The following PRKDC variants were observed in gnomAD, a reference collection of about 807,000 sequenced individuals.
PRKDC encodes DNA-dependent protein kinase catalytic subunit.
A neutral mutation model predicts 486.9 loss-of-function variants in PRKDC; 82 were observed. The observed-to-expected ratio is 0.17, with a 90% confidence interval of 0.14 to 0.20. The LOEUF (loss-of-function observed/expected upper bound fraction) is 0.20. Ranked by LOEUF, PRKDC falls within the 10% of genes least tolerant of loss-of-function variation. PRKDC has a pLI of 1.00. For synonymous variants in PRKDC, 1,895 were observed against 1,837.0 expected (o/e 1.03, Z -0.81); for missense variants, 4,504 against 5,038.2 (o/e 0.89, Z 3.21).
chr8:47,927,222 A>G lies in PRKDC; in HGVS notation c.2391T>C (p.Asp797=). The change falls in exon 21 of 86, where the codon GAT becomes GAC. Residue 797 remains aspartate, a synonymous_variant. Transcript: ENST00000314191. ...ACAAGGCTGAAGTCTTCAGGTATCC[A>G]TCCAGGCAGGGGAGAATGTCTTTGT... ...PYYKDILPCL[D]GYLKTSALSD... 1.2e-6 allele frequency: 2 copies of G among 1,613,844 alleles called. No homozygotes were observed. Among genetic ancestry groups the G allele is most frequent in the Non-Finnish European group, 8.5e-7 (1 of 1,179,800 alleles).
At chr8:47,794,112 T>A (rs560548631) in intron 74 of PRKDC, among the ~76,000 whole-genome samples, 178 bp downstream of exon 74, 6 of 152,308 alleles carry the variant, frequency 3.9e-5, no homozygotes, top group African/African-American at 1.4e-4. Context: ...AGGAGATACA[T>A]CCTATAACAA....
intron 21 of PRKDC, among the ~76,000 whole-genome samples, chr8:47,922,001 G>A (rs532158671): frequency 3.9e-5 from 6 of 152,172 alleles, no homozygotes; most frequent in East Asian, 1.9e-4. Flanking sequence ...GGTTGGTCTC[G>A]AACTCATGAC....
At chr8:47,854,483 C>T (rs527477098) in intron 50 of PRKDC, among the ~76,000 whole-genome samples, 8 of 152,236 alleles carry the variant, frequency 5.3e-5, no homozygotes, top group South Asian at 4.1e-4. Context: ...GGACTACAGA[C>T]GCCCGCCACC....
chr8:47,901,401 G>A (rs1252660198), intron 27 of PRKDC, among the ~76,000 whole-genome samples: 2 of 151,230 alleles, frequency 1.3e-5, no homozygotes, highest in Non-Finnish European at 2.9e-5. Flanking sequence ...TTGAACCTGG[G>A]AAGCAGAGGT....
intron 40 of PRKDC, among the ~76,000 whole-genome samples, chr8:47,874,076 TG>T (rs2089030223): frequency 6.6e-6 from 1 of 150,674 alleles, no homozygotes; most frequent in Non-Finnish European, 1.5e-5. Context: ...CCCGGGTAGC[TG>T]GGACTACAGG....
At chr8:47,895,959 A>G (rs2089571073) in intron 30 of PRKDC, among the ~76,000 whole-genome samples, 2 of 152,068 alleles carry the variant, frequency 1.3e-5, no homozygotes, top group South Asian at 4.1e-4. Flanking sequence ...GAATTGCTTG[A>G]ACCCAGGGCG....
At chr8:47,863,614 T>C (rs753554598) in intron 41 of PRKDC, 37 bp from the exon 42 acceptor site, 3 of 1,516,414 alleles carry the variant, frequency 2.0e-6, no homozygotes, top group South Asian at 1.2e-5. Context: ...TTTGGTCTTA[T>C]TAAACATGAA....
chr8:47,959,983 G>A lies in PRKDC; in HGVS notation c.144C>T (p.Pro48=). ...LGQECVLSSS[P]AVLALQTSLV... is the part of the protein sequence containing the mutation. ...CGGGCCGGTACCCACCCAGCACCGC[G>A]GGGCTGCTGCTCAGGACGCATTCCT... The change falls in exon 1 of 86, where the codon CCC becomes CCT. Residue 48 remains proline (P), a synonymous_variant. Coordinates refer to ENST00000314191, the MANE Select transcript of PRKDC (RefSeq NM_006904.7). 3 of 1,529,742 alleles carry A rather than the reference G, an allele frequency of 2.0e-6. No individual in the cohort carries two copies. The highest frequency in any genetic ancestry group is 2.7e-5 in the African/African-American group (2 of 72,816). 94.8% of individuals were successfully genotyped at this position (1,529,742 alleles called of 1,614,324 possible). A position where few individuals can be genotyped will look rare whatever the true frequency, so the allele number is the denominator to read the frequency against.
intron 49 of PRKDC, among the ~76,000 whole-genome samples, chr8:47,855,682 A>C (rs1488946488): frequency 6.6e-6 from 1 of 152,224 alleles, no homozygotes; most frequent in East Asian, 1.9e-4. Context: ...GGCCCTGGAC[A>C]GGGGTCGCCT....
In PRKDC at chr8:47,863,583, A is replaced by G. The variant is rs370636049; in HGVS notation, c.5572-6T>C. 22 of 1,593,880 alleles carry G rather than the reference A, an allele frequency of 1.4e-5. No homozygotes were observed. In the Middle Eastern group the frequency reaches 6.6e-4, roughly 48 times the overall value. Reference sequence around the variant, plus strand: ...TCAAAGGTAGATTCATTTAGCTTCAAAAAGGTAAAAAATAATTATCTTTGG... The same window carrying G: ...TCAAAGGTAGATTCATTTAGCTTCAGAAAGGTAAAAAATAATTATCTTTGG... On this transcript the variant is annotated splice_region_variant and splice_polypyrimidine_tract_variant and intron_variant, in intron 41 of 85. Transcript: ENST00000314191.
chr8:47,908,653 C>T (rs1029914586), intron 25 of PRKDC, among the ~76,000 whole-genome samples: 1 of 152,122 alleles, frequency 6.6e-6, no homozygotes, highest in Non-Finnish European at 1.5e-5. Context: ...ATTATAAAGA[C>T]ATTCTCCAGA....
At chr8:47,924,874 T>C (rs750740096) in intron 21 of PRKDC, among the ~76,000 whole-genome samples, 2 of 152,222 alleles carry the variant, frequency 1.3e-5, no homozygotes, top group Admixed American at 6.5e-5. Flanking sequence ...CTTTCTGTAT[T>C]TGTAGCTCAC....
At chr8:47,791,722 T>C (rs1480947694) in intron 74 of PRKDC, among the ~76,000 whole-genome samples, 5 of 152,016 alleles carry the variant, frequency 3.3e-5, no homozygotes, top group African/African-American at 1.2e-4. Context: ...GGTAAGGATG[T>C]AGAGAGAGGA....
intron 21 of PRKDC, among the ~76,000 whole-genome samples, chr8:47,922,636 T>C (rs2090090452): frequency 6.6e-6 from 1 of 152,064 alleles, no homozygotes; most frequent in African/African-American, 2.4e-5. Context: ...GTAAGGAGGG[T>C]AGTTCCTCAT....
At chr8:47,817,953 T>C (rs1332465060) in intron 67 of PRKDC, among the ~76,000 whole-genome samples, 1 of 152,234 alleles carries the variant, frequency 6.6e-6, no homozygotes, top group East Asian at 1.9e-4. Flanking sequence ...ATGGCATCAA[T>C]GTGAATATTC....
At chr8:47,959,746 G>A (rs2090780013) in intron 1 of PRKDC, among the ~76,000 whole-genome samples, 1 of 152,104 alleles carries the variant, frequency 6.6e-6, no homozygotes, top group Non-Finnish European at 1.5e-5. Context: ...CCATATTAGG[G>A]GTCGTTTTCA....
rs769870733 is a variant in PRKDC, at chr8:47,893,197, C to T, written c.3789G>A (p.Ala1263=). Residue 1263 remains alanine (A), a synonymous_variant, in exon 31 of 86, where the codon GCG becomes GCA. Coordinates refer to ENST00000314191, the MANE Select transcript of PRKDC (RefSeq NM_006904.7). The part of the protein sequence containing the change: ...TLCWLDLLLA[A]LECYNTFIGE... Reference sequence around the variant, plus strand: ...CAATGAACGTGTTGTAGCACTCCAACGCGGCCAGGAGCAGGTCCAGCCAGC... The same window carrying T: ...CAATGAACGTGTTGTAGCACTCCAATGCGGCCAGGAGCAGGTCCAGCCAGC... 3.1e-6 allele frequency: 5 copies of T among 1,613,094 alleles called. No individual in the cohort carries two copies. Among genetic ancestry groups the T allele is most frequent in the Admixed American group, 3.3e-5 (2 of 59,880 alleles).
chr8:47,894,271 G>A (rs1222206213), intron 30 of PRKDC, among the ~76,000 whole-genome samples: 3 of 151,224 alleles, frequency 2.0e-5, no homozygotes, highest in Admixed American at 6.6e-5. Flanking sequence ...AGTGAGACTC[G>A]GTATAAAAAA....
chr8:47,850,045 CA>C (rs1205394269), intron 52 of PRKDC, among the ~76,000 whole-genome samples: 1 of 152,114 alleles, frequency 6.6e-6, no homozygotes, highest in Non-Finnish European at 1.5e-5. Flanking sequence ...ATCTGTGTAC[CA>C]TCTGTCTCCC....
Sources: allele counts gnomAD v4.1 joint callset (sites outside exome capture counted in the v4.1 genomes callset), GRCh38; gene constraint gnomAD v4.1.1; transcripts MANE v1.5; gene names NCBI Gene and HGNC (gene_info 2026-07-23, HGNC 2026-07-21).